The following FAM241A variants were observed in gnomAD, a reference collection of about 807,000 sequenced individuals.
The protein encoded by FAM241A is family with sequence similarity 241 member A.
Under a neutral mutation model 12.2 loss-of-function variants are expected in FAM241A, and 7 were observed. That is an observed-to-expected ratio of 0.58 (90% CI 0.33 to 1.08). The LOEUF is 1.08. Among genes scored for constraint, FAM241A ranks in the 50% least tolerant of loss-of-function variants. The pLI, the probability that FAM241A is intolerant of heterozygous loss-of-function variation, is 0.04. For synonymous variants in FAM241A, 74 were observed against 68.2 expected, an observed-to-expected ratio of 1.08 and a Z score of -0.42; for missense variants, 161 against 169.7, an observed-to-expected ratio of 0.95 and a Z score of 0.29.
chr4:112,177,053 T>G (rs1314551302), intron 1 of FAM241A, among the ~76,000 whole-genome samples: 1 of 152,190 alleles, frequency 6.6e-6, no homozygotes, highest in East Asian at 1.9e-4. Flanking sequence ...TCTTCATTCT[T>G]GCCGAGCCTT....
At chr4:112,168,001 G>A (rs568166891) in intron 1 of FAM241A, among the ~76,000 whole-genome samples, 1 of 152,364 alleles carries the variant, frequency 6.6e-6, no homozygotes, top group South Asian at 2.1e-4. Flanking sequence ...CTTGCCACAA[G>A]TAGGGCACAG....
intron 1 of FAM241A, among the ~76,000 whole-genome samples, chr4:112,170,539 G>C (rs1723697637): frequency 1.3e-5 from 2 of 152,224 alleles, no homozygotes; most frequent in Admixed American, 6.5e-5. Context: ...TCTGATAATT[G>C]AGGTGACTAC....
At chr4:112,164,030 C>A (rs1013077083) in intron 1 of FAM241A, among the ~76,000 whole-genome samples, 1 of 149,208 alleles carries the variant, frequency 6.7e-6, no homozygotes, top group Non-Finnish European at 1.5e-5. Context: ...AACCAAACAC[C>A]GCATGTTCTC....
At chr4:112,158,098 T>C (rs1394920516) in intron 1 of FAM241A, among the ~76,000 whole-genome samples, 2 of 152,046 alleles carry the variant, frequency 1.3e-5, no homozygotes, top group Admixed American at 6.6e-5. Flanking sequence ...TGTCCTTCAT[T>C]ATTTATTTTA....
At chr4:112,173,356 G>A in intron 1 of FAM241A, among the ~76,000 whole-genome samples, 1 of 152,144 alleles carries the variant, frequency 6.6e-6, no homozygotes, top group East Asian at 1.9e-4. Context: ...TAAAAAATAG[G>A]TTTGAGTGTG....
chr4:112,174,792 C>G (rs1299549068), intron 1 of FAM241A, among the ~76,000 whole-genome samples: 1 of 152,138 alleles, frequency 6.6e-6, no homozygotes, highest in East Asian at 1.9e-4. Context: ...TACATAGACC[C>G]ATCAACACAG....
chr4:112,158,291 G>C (rs1723393521), intron 1 of FAM241A, among the ~76,000 whole-genome samples: 1 of 152,044 alleles, frequency 6.6e-6, no homozygotes, highest in Non-Finnish European at 1.5e-5. Context: ...TAACAATCTT[G>C]CCATATACTG....
chr4:112,185,237 G>C (rs1389057507), intron 1 of FAM241A, among the ~76,000 whole-genome samples: 1 of 151,908 alleles, frequency 6.6e-6, no homozygotes, highest in African/African-American at 2.4e-5. Context: ...TTCTACTAGG[G>C]TCTGGGGCGG....
At chr4:112,164,130 G>T (rs1031897306) in intron 1 of FAM241A, among the ~76,000 whole-genome samples, 1 of 151,532 alleles carries the variant, frequency 6.6e-6, no homozygotes, top group Non-Finnish European at 1.5e-5. Context: ...GGGGGGAAGG[G>T]GAAGGGATAG....
intron 1 of FAM241A, 124 bp downstream of exon 1, chr4:112,145,857 T>G: frequency 2.0e-6 from 1 of 495,700 alleles, no homozygotes; most frequent in Non-Finnish European, 2.7e-6. Flanking sequence ...GGGCACTGGC[T>G]CCCCGGCGCT....
chr4:112,168,930 G>A (rs755084487), intron 1 of FAM241A, among the ~76,000 whole-genome samples: 6 of 152,232 alleles, frequency 3.9e-5, no homozygotes, highest in African/African-American at 7.2e-5. Context: ...CTCCTGGAGC[G>A]CTGAGATTAC....
Position 112,186,699 on chromosome 4 carries a change from G to GA in FAM241A, c.162dup (p.Asp55ArgfsTer8). 2 of 1,570,810 alleles carry GA rather than the reference G, an allele frequency of 1.3e-6. No individual in the cohort carries two copies. Among genetic ancestry groups the GA allele is most frequent in the South Asian group, 2.3e-5 (2 of 87,244 alleles). ...TTTTTTTTTTTTTTTAAAGGATGTT[G>GA]AAGACTCACAGAACCACACTGGTGA... On this transcript the variant is annotated frameshift_variant, in exon 2 of 2. Transcript: ENST00000309733. LOFTEE classifies it high-confidence loss of function.
At chr4:112,184,689 CCATTTCTTAAAGTCATACTGAAAAT>C (rs1263754693) in intron 1 of FAM241A, among the ~76,000 whole-genome samples, 5 of 152,008 alleles carry the variant, frequency 3.3e-5, no homozygotes, top group Non-Finnish European at 5.9e-5. Context: ...TGGGAAAAGC[CCATTTCTTAAAGTCATACTGAAAAT>C]CATTTTGTCT....
At chr4:112,179,132 T>G (rs970061762) in intron 1 of FAM241A, among the ~76,000 whole-genome samples, 7 of 152,208 alleles carry the variant, frequency 4.6e-5, no homozygotes, top group Non-Finnish European at 2.9e-5. Flanking sequence ...TTAGTTTAAT[T>G]AGATCCCCTT....
At chr4:112,184,907 T>C (rs1311265020) in intron 1 of FAM241A, among the ~76,000 whole-genome samples, 1 of 152,184 alleles carries the variant, frequency 6.6e-6, no homozygotes, top group Non-Finnish European at 1.5e-5. Flanking sequence ...ACTAAAAGAA[T>C]GTAAGTTTGA....
chr4:112,161,822 A>G (rs1478454002), intron 1 of FAM241A, among the ~76,000 whole-genome samples: 1 of 152,228 alleles, frequency 6.6e-6, no homozygotes, highest in Non-Finnish European at 1.5e-5. Context: ...GGCCAGCATC[A>G]TCTTGATACC....
At position 112,148,370 on chromosome 4, in the gene FAM241A, C is replaced by T. The variant is rs187499856; in HGVS notation, c.153+2637C>T. On this transcript the variant is annotated intron_variant, in intron 1 of 1. Transcript: ENST00000309733. ...ATATATATATGAAATATATAAAACA[C>T]CTAGTATTAACATAGGTGTTTTATT... 3.3e-3 allele frequency among the ~76,000 whole-genome samples: 501 copies of T among 152,024 alleles called. 3 individuals are homozygous for T. The highest frequency in any genetic ancestry group is 0.011 in the African/African-American group (452 of 41,464).
At chr4:112,179,109 G>A (rs932498282) in intron 1 of FAM241A, among the ~76,000 whole-genome samples, 1 of 152,150 alleles carries the variant, frequency 6.6e-6, no homozygotes, top group Non-Finnish European at 1.5e-5. Context: ...TTCTTTTGCT[G>A]TGCAGAAGCT....
chr4:112,147,851 A>T (rs980709252), intron 1 of FAM241A, among the ~76,000 whole-genome samples: 1 of 152,134 alleles, frequency 6.6e-6, no homozygotes, highest in Non-Finnish European at 1.5e-5. Context: ...ACCAAAACTA[A>T]TTAGCTGGAA....
Sources: allele counts gnomAD v4.1 joint callset (sites outside exome capture counted in the v4.1 genomes callset), GRCh38; gene constraint gnomAD v4.1.1; transcripts MANE v1.5; gene names NCBI Gene and HGNC (gene_info 2026-07-23, HGNC 2026-07-21).